The following SV2C variants were observed in gnomAD, a reference collection of about 807,000 sequenced individuals.
SV2C encodes the protein synaptic vesicle glycoprotein 2C, also known as solute carrier family 22 member B3.
A neutral mutation model predicts 79.7 loss-of-function variants in SV2C; 49 were observed. The observed-to-expected ratio is 0.61, with a 90% CI of 0.49 to 0.78. The LOEUF is 0.78. Ranked by LOEUF, SV2C falls within the 30% of genes least tolerant of loss-of-function variation. SV2C has a pLI of 0.00. For synonymous variants in SV2C, 334 were observed against 333.2 expected (o/e 1.00, Z -0.03); for missense variants, 833 against 912.9 (o/e 0.91, Z 1.13).
Position 76,285,220 on chromosome 5 carries a change from C to T in SV2C, c.972C>T (p.Ile324=), listed in dbSNP as rs368324362. The change falls in exon 5 of 13, where the codon ATC becomes ATT. Residue 324 remains isoleucine, a synonymous_variant. Transcript: ENST00000502798. ...TTCACAGTTGGCGTGTGTTTGTCAT[C>T]GTCTGTGCACTCCCCTGTGTCTCCT... ...YQFHSWRVFV[I]VCALPCVSSV... 1.4e-4 allele frequency: 226 copies of T among 1,614,152 alleles called. No individual in the cohort carries two copies. Among genetic ancestry groups the T allele is most frequent in the African/African-American group, 6.8e-4 (51 of 75,026 alleles).
chr5:76,032,970 T>A, the SV2C span, among the ~76,000 whole-genome samples: 2,695 of 152,308 alleles, frequency 0.018, 40 homozygotes, highest in South Asian at 0.049. Flanking sequence ...CCCATTGTGG[T>A]TTTGATTTGC....
At chr5:76,242,679 A>C (rs560846462) in intron 4 of SV2C, among the ~76,000 whole-genome samples, 52 of 152,240 alleles carry the variant, frequency 3.4e-4, no homozygotes, top group African/African-American at 1.2e-3. Flanking sequence ...GTCTGACTTG[A>C]AGCCATTCTC....
chr5:76,223,663 T>C (rs1486285483), intron 4 of SV2C, among the ~76,000 whole-genome samples: 2 of 151,728 alleles, frequency 1.3e-5, no homozygotes, highest in African/African-American at 4.8e-5. Context: ...AGCTCCTCTC[T>C]TCCTCCAGGA....
the SV2C span, among the ~76,000 whole-genome samples, chr5:76,013,312 G>A: frequency 6.6e-6 from 1 of 152,112 alleles, no homozygotes; most frequent in Non-Finnish European, 1.5e-5. Flanking sequence ...TCCTTGAAGA[G>A]GTCCTTCACA....
chr5:76,112,003 G>T (rs1366407735), intron 1 of SV2C, among the ~76,000 whole-genome samples: 1 of 152,086 alleles, frequency 6.6e-6, no homozygotes, highest in Non-Finnish European at 1.5e-5. Context: ...CTCTGAGAAG[G>T]CCTGCAAAAA....
chr5:76,204,968 G>A (rs181865536), intron 3 of SV2C, among the ~76,000 whole-genome samples: 9 of 152,306 alleles, frequency 5.9e-5, no homozygotes, highest in Admixed American at 5.2e-4. Flanking sequence ...TTTAACTTGT[G>A]TGCCTCACAT....
At chr5:75,945,315 T>C in the SV2C span, among the ~76,000 whole-genome samples, 12 of 151,482 alleles carry the variant, frequency 7.9e-5, no homozygotes, top group East Asian at 1.9e-4. Context: ...ATTATTATTT[T>C]TCTCTCTCTC....
chr5:76,154,511 C>T (rs1372018246), intron 2 of SV2C, among the ~76,000 whole-genome samples: 1 of 152,174 alleles, frequency 6.6e-6, no homozygotes, highest in Non-Finnish European at 1.5e-5. Flanking sequence ...GCATCTGTCT[C>T]AGAGCTCATC....
At chr5:75,921,157 G>A in the SV2C span, 10 of 912,240 alleles carry the variant, frequency 1.1e-5, no homozygotes, top group East Asian at 2.4e-4. Flanking sequence ...CAATGAGCAA[G>A]TTGTTGGAGA....
chr5:76,148,412 C>T (rs1749502187), intron 2 of SV2C, among the ~76,000 whole-genome samples: 1 of 152,184 alleles, frequency 6.6e-6, no homozygotes, highest in Non-Finnish European at 1.5e-5. Context: ...TATATGGTCA[C>T]TGGCCGTGAC....
At chr5:75,984,262 GT>G in the SV2C span, among the ~76,000 whole-genome samples, 1 of 152,102 alleles carries the variant, frequency 6.6e-6, no homozygotes, top group African/African-American at 2.4e-5. Context: ...TTACATTCCA[GT>G]GAAGGAAAAT....
chr5:75,873,538 A>G, the SV2C span, among the ~76,000 whole-genome samples: 513 of 152,260 alleles, frequency 3.4e-3, 13 homozygotes, highest in Admixed American at 0.028. Flanking sequence ...AAATATTTAC[A>G]TTATTTGAAC....
intron 2 of SV2C, among the ~76,000 whole-genome samples, chr5:76,133,150 G>A (rs1748958776): frequency 6.6e-6 from 1 of 152,116 alleles, no homozygotes; most frequent in African/African-American, 2.4e-5. Context: ...AGCATGCAGT[G>A]AACTCTCCCC....
chr5:76,297,480 C>A (rs1218175498), intron 9 of SV2C, among the ~76,000 whole-genome samples: 2 of 152,188 alleles, frequency 1.3e-5, no homozygotes, highest in Non-Finnish European at 2.9e-5. Context: ...ACCATGTGTA[C>A]TCTCTGAATT....
At chr5:75,900,261 G>T in the SV2C span, among the ~76,000 whole-genome samples, 1 of 152,096 alleles carries the variant, frequency 6.6e-6, no homozygotes, top group African/African-American at 2.4e-5. Context: ...CAGGCCTGGT[G>T]GTGACAAAAT....
chr5:76,049,324 G>GAAAAAAAAAAA, the SV2C span, among the ~76,000 whole-genome samples: 1 of 107,044 alleles, frequency 9.3e-6, no homozygotes. Context: ...GTGACAGAGC[G>GAAAAAAAAAAA]AAAAAAAAAA....
chr5:76,130,007 C>G (rs1748826073), intron 1 of SV2C, among the ~76,000 whole-genome samples: 1 of 151,910 alleles, frequency 6.6e-6, no homozygotes, highest in Admixed American at 6.6e-5. Context: ...ATTGTCCTCT[C>G]TGCCCCTTTT....
chr5:75,880,390 A>G, the SV2C span, among the ~76,000 whole-genome samples: 1 of 152,108 alleles, frequency 6.6e-6, no homozygotes, highest in Non-Finnish European at 1.5e-5. Context: ...CTTTGCTCCC[A>G]CATCTAAGCA....
At chr5:76,290,575 G>A (rs909182044) in intron 6 of SV2C, among the ~76,000 whole-genome samples, 8 of 152,154 alleles carry the variant, frequency 5.3e-5, no homozygotes, top group African/African-American at 1.9e-4. Context: ...GGCTAACTGA[G>A]TCATAGATGC....
Sources: allele counts gnomAD v4.1 joint callset (sites outside exome capture counted in the v4.1 genomes callset), GRCh38; gene constraint gnomAD v4.1.1; transcripts MANE v1.5; gene names NCBI Gene and HGNC (gene_info 2026-07-23, HGNC 2026-07-21).